CD58: variants seen among roughly 807,000 people sequenced by gnomAD.
CD58 encodes CD58 molecule, also known as lymphocyte function-associated antigen 3.
A neutral mutation model predicts 27.6 loss-of-function variants in CD58; 14 were observed. That is an observed-to-expected ratio of 0.51 (90% CI 0.34 to 0.79). The LOEUF is 0.79. Among genes scored for constraint, CD58 ranks in the 30% least tolerant of loss-of-function variants. The pLI, the probability that CD58 is intolerant of heterozygous loss-of-function variation, is 0.02. For synonymous variants in CD58, 117 were observed against 103.8 expected (o/e 1.13, Z -0.77); for missense variants, 268 against 301.7 (o/e 0.89, Z 0.83).
chr1:116,551,437 A>G (rs1658386216), intron 1 of CD58, among the ~76,000 whole-genome samples: 1 of 152,210 alleles, frequency 6.6e-6, no homozygotes. Flanking sequence ...GATAGCTTCA[A>G]ACTTTTCTCC....
Position 116,528,901 on chromosome 1 carries a change from C to T in CD58, c.629-6918G>A, listed in dbSNP as rs1267844531. Among the ~76,000 whole-genome samples the T allele has an allele frequency of 6.6e-6, 1 of 152,208 alleles. No individual in the cohort carries two copies. The highest frequency in any genetic ancestry group is 1.5e-5 in the Non-Finnish European group (1 of 68,038). ...GACCTCCTAAGTGCCAAATCCACAA[C>T]CTCTTCTACATTGTCCTCCTTAAAC... On this transcript the variant is annotated intron_variant, in intron 3 of 5. Coordinates refer to ENST00000369489, the MANE Select transcript of CD58 (RefSeq NM_001779.3). The surrounding 1 kb of genome is among the most constrained non-coding windows in gnomAD (Gnocchi z 4.4).
intron 4 of CD58, among the ~76,000 whole-genome samples, chr1:116,520,583 T>C (rs1281802274): frequency 2.6e-5 from 4 of 152,142 alleles, no homozygotes; most frequent in Non-Finnish European, 5.9e-5. Context: ...CTCTCTTTAG[T>C]TCAGGTATCC....
In CD58 at chr1:116,518,684, GC is replaced by G. The variant is rs1657161885; in HGVS notation, c.743+546del. 3.0e-6 allele frequency: 3 copies of G among 986,636 alleles called. No individual in the cohort carries two copies. The South Asian group carries it at 1.4e-4, about 46-fold the overall frequency. The allele number at this position is 986,636 out of a possible 1,614,324, so 61.1% of individuals were successfully genotyped here. On this transcript the variant is annotated intron_variant, in intron 5 of 5. Coordinates refer to ENST00000369489, the MANE Select transcript of CD58 (RefSeq NM_001779.3). ...CACCAGTGGGATCTGCCAGGAGGGGGCCTCTTGGAGCACCCTACGGCGGTTT... is the reference window on the plus strand; with the variant it reads ...CACCAGTGGGATCTGCCAGGAGGGGGCTCTTGGAGCACCCTACGGCGGTTT...
rs187868541 is a variant in CD58, at chr1:116,549,657, A to C, written c.71-5053T>G. ...CTTTACACTAATGAAAAACGATCAT[A>C]TAAGTATTTTTTCAGTCCTCTTATC... On this transcript the variant is annotated intron_variant, in intron 1 of 5. Transcript: ENST00000369489. 1.1e-3 allele frequency among the ~76,000 whole-genome samples: 170 copies of C among 152,352 alleles called. 1 individual carries two copies. The highest frequency in any genetic ancestry group is 4.1e-3 in the African/African-American group (170 of 41,586).
At chr1:116,564,599 A>G (rs1369613436) in intron 1 of CD58, among the ~76,000 whole-genome samples, 1 of 152,256 alleles carries the variant, frequency 6.6e-6, no homozygotes, top group Non-Finnish European at 1.5e-5. Flanking sequence ...CACATCTTAC[A>G]TGGCAGTAGG....
At chr1:116,562,643 G>A (rs1658793863) in intron 1 of CD58, among the ~76,000 whole-genome samples, 1 of 152,200 alleles carries the variant, frequency 6.6e-6, no homozygotes, top group South Asian at 2.1e-4. Flanking sequence ...CAAAGGAGAA[G>A]CAAAGTCATG....
chr1:116,520,747 A>C (rs1657240387), intron 4 of CD58, among the ~76,000 whole-genome samples: 1 of 152,170 alleles, frequency 6.6e-6, no homozygotes. Context: ...AAAATATTTT[A>C]TGCATTGGGC....
Position 116,536,731 on chromosome 1 carries a change from T to C in CD58, c.365-503A>G, listed in dbSNP as rs776318831. On this transcript the variant is annotated intron_variant, in intron 2 of 5. Coordinates refer to ENST00000369489, the MANE Select transcript of CD58 (RefSeq NM_001779.3). This position sits in a 1 kb window ranked among gnomAD's most constrained non-coding sequence, Gnocchi z 5.4. ...GAGTCAATTAAACCTCTTTTCTTTATAAATTACCCAGTTTCAGGTAGTTCT... is the reference window on the plus strand; with the variant it reads ...GAGTCAATTAAACCTCTTTTCTTTACAAATTACCCAGTTTCAGGTAGTTCT... Among the ~76,000 whole-genome samples the C allele has an allele frequency of 4.6e-5, 7 of 152,188 alleles. No individual in the cohort carries two copies. Among genetic ancestry groups the C allele is most frequent in the Non-Finnish European group, 1.0e-4 (7 of 68,034 alleles).
At position 116,538,140 on chromosome 1, in the gene CD58, T is replaced by G. The variant is rs1657878146; in HGVS notation, c.365-1912A>C. On this transcript the variant is annotated intron_variant, in intron 2 of 5. Coordinates refer to ENST00000369489, the MANE Select transcript of CD58 (RefSeq NM_001779.3). This position sits in a 1 kb window ranked among gnomAD's most constrained non-coding sequence, Gnocchi z 4.7. ...ACTTGGGGCTTCCTAGTTTTTAAGTTTAATCTAGCTCACACAAGTCCTTAC... is the reference window on the plus strand; with the variant it reads ...ACTTGGGGCTTCCTAGTTTTTAAGTGTAATCTAGCTCACACAAGTCCTTAC... 2.0e-5 allele frequency among the ~76,000 whole-genome samples: 3 copies of G among 152,220 alleles called. No individual in the cohort carries two copies. Among genetic ancestry groups the G allele is most frequent in the African/African-American group, 7.2e-5 (3 of 41,452 alleles).
rs570415790 is a variant in CD58 at position 116,557,298 on chromosome 1, A to C, written c.71-12694T>G. ...TAAGGAGAGATGGAGAAAGAAGTTTAACTGGAGCTTAAAAATAAAATGGCT... is the reference window on the plus strand; with the variant it reads ...TAAGGAGAGATGGAGAAAGAAGTTTCACTGGAGCTTAAAAATAAAATGGCT... On this transcript the variant is annotated intron_variant, in intron 1 of 5. Coordinates refer to ENST00000369489, the MANE Select transcript of CD58 (RefSeq NM_001779.3). This position sits in a 1 kb window ranked among gnomAD's most constrained non-coding sequence, Gnocchi z 5.2. Among the ~76,000 whole-genome samples, 1 of 152,330 alleles carries C rather than the reference A, an allele frequency of 6.6e-6. No homozygotes were observed. Among genetic ancestry groups the C allele is most frequent in the East Asian group, 1.9e-4 (1 of 5,184 alleles).
At position 116,524,496 on chromosome 1, in the gene CD58, A is replaced by C. The variant is rs1657369749; in HGVS notation, c.629-2513T>G. ...GCTGGCATTATGCTGAACCCTATTA[A>C]GCTGCCAAGATTCAATGGTTTTTGA... On this transcript the variant is annotated intron_variant, in intron 3 of 5. Coordinates refer to ENST00000369489, the MANE Select transcript of CD58 (RefSeq NM_001779.3). This position sits in a 1 kb window ranked among gnomAD's most constrained non-coding sequence, Gnocchi z 4.6. Among the ~76,000 whole-genome samples the C allele has an allele frequency of 6.6e-6, 1 of 152,256 alleles. No homozygotes were observed. The highest frequency in any genetic ancestry group is 6.5e-5 in the Admixed American group (1 of 15,292).
At chr1:116,542,416 G>A (rs1658019872) in intron 2 of CD58, among the ~76,000 whole-genome samples, 1 of 152,218 alleles carries the variant, frequency 6.6e-6, no homozygotes, top group Admixed American at 6.5e-5. Flanking sequence ...ATGAACCACT[G>A]GATTTATTAA....
chr1:116,536,202 AAGT>A lies in CD58; in HGVS notation c.388_390del (p.Thr130del). On this transcript the variant is annotated inframe_deletion, in exon 3 of 6. Transcript: ENST00000369489. This position sits in a 1 kb window ranked among gnomAD's most constrained non-coding sequence, Gnocchi z 5.4. ...TCAATGCTTCCATTAGTCAATGCACAAGTTAGTGTGGGAGATGGAAGAGACTCT... is the reference window on the plus strand; with the variant it reads ...TCAATGCTTCCATTAGTCAATGCACATAGTGTGGGAGATGGAAGAGACTCT... 6.2e-7 allele frequency: 1 copy of A among 1,611,976 alleles called. No individual in the cohort carries two copies.
intron 1 of CD58, among the ~76,000 whole-genome samples, chr1:116,554,669 T>A (rs1455275777): frequency 1.3e-5 from 2 of 152,130 alleles, no homozygotes; most frequent in Non-Finnish European, 2.9e-5. Flanking sequence ...CTTTAGAGAT[T>A]GTGGTGATGG....
At position 116,563,110 on chromosome 1, in the gene CD58, A is replaced by AT. The variant is rs1432971696; in HGVS notation, c.70+7792dup. 6.6e-6 allele frequency among the ~76,000 whole-genome samples: 1 copy of AT among 152,194 alleles called. No individual in the cohort carries two copies. Among genetic ancestry groups the AT allele is most frequent in the Non-Finnish European group, 1.5e-5 (1 of 68,036 alleles). ...AATATATCCATTCCAAATGGGAGAA[A>AT]TTGTCCAAAACAAAAGGGCTACAGG... is the stretch of plus-strand genomic sequence containing the variant. On this transcript the variant is annotated intron_variant, in intron 1 of 5. Coordinates refer to ENST00000369489, the MANE Select transcript of CD58 (RefSeq NM_001779.3). The surrounding 1 kb of genome is among the most constrained non-coding windows in gnomAD (Gnocchi z 4.1).
chr1:116,539,239 C>T (rs897093739), intron 2 of CD58, among the ~76,000 whole-genome samples: 4 of 152,120 alleles, frequency 2.6e-5, no homozygotes, highest in Admixed American at 6.5e-5. Context: ...CGAGGCTCCC[C>T]GGAGGGTATG....
chr1:116,514,844 T>C (rs1657025976), intron 5 of CD58, 22 bp from the exon 6 acceptor site: 2 of 1,543,678 alleles, frequency 1.3e-6, no homozygotes, highest in Non-Finnish European at 1.8e-6. Flanking sequence ...AATCATATTA[T>C]TAACTTGTAA....
At chr1:116,530,745 C>A (rs558266173) in intron 3 of CD58, among the ~76,000 whole-genome samples, 1 of 152,040 alleles carries the variant, frequency 6.6e-6, no homozygotes, top group Non-Finnish European at 1.5e-5. Flanking sequence ...TATTATGATG[C>A]ATGTGGTTCC....
At chr1:116,551,594 T>C (rs542734370) in intron 1 of CD58, among the ~76,000 whole-genome samples, 2 of 152,320 alleles carry the variant, frequency 1.3e-5, no homozygotes, top group South Asian at 2.1e-4. Flanking sequence ...AATAACGCTG[T>C]TTCACTTTCT....
Sources: gnomAD v4.1 joint callset for allele counts (sites outside exome capture counted in the v4.1 genomes callset) on GRCh38, gnomAD v4.1.1 for gene constraint, Gnocchi (gnomAD v3.1) non-coding constraint, MANE v1.5 for transcripts, NCBI Gene and HGNC (gene_info 2026-07-23, HGNC 2026-07-21) for gene names.